Variants in RELN observed in about 807,000 individuals in gnomAD.
RELN encodes reelin.
In RELN, 108 loss-of-function variants were observed where a neutral mutation model predicts 427.6. The ratio of observed to expected loss-of-function variants is 0.25; its 90% CI spans 0.22 to 0.30. The LOEUF (loss-of-function observed/expected upper bound fraction) is 0.30, where lower values mean the gene tolerates loss of function less well. RELN is among the 10% of genes least tolerant of loss of function. The probability of loss-of-function intolerance (pLI) is 1.00; values close to 1 mark genes in which losing one functional copy is unlikely to be tolerated. For missense variants in RELN, 3,715 were observed against 4,302.8 expected, an observed-to-expected ratio of 0.86 and a Z score of 3.82; for synonymous variants, 1,524 against 1,513.4, an observed-to-expected ratio of 1.01 and a Z score of -0.16.
At chr7:103,883,601 C>G (rs1794655908) in intron 2 of RELN, among the ~76,000 whole-genome samples, 1 of 152,212 alleles carries the variant, frequency 6.6e-6, no homozygotes, top group Non-Finnish European at 1.5e-5. Context: ...CATACAAAAT[C>G]AATGTGCAAA....
At chr7:103,628,936 T>C (rs1051617195) in intron 20 of RELN, among the ~76,000 whole-genome samples, 1 of 152,104 alleles carries the variant, frequency 6.6e-6, no homozygotes, top group Non-Finnish European at 1.5e-5. Flanking sequence ...CATCTCTTGG[T>C]TTCCTTGACA....
Position 103,740,878 on chromosome 7 carries a change from C to G in RELN, c.656+8548G>C, listed in dbSNP as rs193144033. On this transcript the variant is annotated intron_variant, in intron 6 of 64. Transcript: ENST00000428762. ...TAGAATCCCAGGGGGAAAATATGCT[C>G]TTATAAGTAGCACATTTTTTCTTTT... Among the ~76,000 whole-genome samples, 540 of 151,450 alleles carry G rather than the reference C, an allele frequency of 3.6e-3. 1 individual carries two copies. The highest frequency in any genetic ancestry group is 5.2e-3 in the Non-Finnish European group (351 of 68,028).
At position 103,640,422 on chromosome 7, in the gene RELN, T is replaced by G; in HGVS notation, c.2069+121A>C. On this transcript the variant is annotated intron_variant, in intron 17 of 64. Coordinates refer to ENST00000428762, the MANE Select transcript of RELN (RefSeq NM_005045.4). This position sits in a 1 kb window ranked among gnomAD's most constrained non-coding sequence, Gnocchi z 4.1. ...TTACACTTAAGTTCTAATAGAAATA[T>G]CCAACTTTTTGTCTTAAAAAGATCC... 1.1e-6 allele frequency: 1 copy of G among 921,072 alleles called. No individual in the cohort carries two copies. The highest frequency in any genetic ancestry group is 1.7e-6 in the Non-Finnish European group (1 of 574,008). 57.1% of individuals were successfully genotyped at this position (921,072 alleles called of 1,614,324 possible). A position where few individuals can be genotyped will look rare whatever the true frequency, so the allele number is the denominator to read the frequency against.
intron 20 of RELN, among the ~76,000 whole-genome samples, chr7:103,621,309 T>C (rs752604294): frequency 5.9e-5 from 9 of 152,266 alleles, no homozygotes; most frequent in Non-Finnish European, 1.0e-4. Context: ...TGAAATTTTA[T>C]GAATATTAAA....
intron 1 of RELN, among the ~76,000 whole-genome samples, chr7:103,982,786 A>G (rs1435444445): frequency 2.0e-5 from 3 of 152,176 alleles, no homozygotes; most frequent in Admixed American, 2.0e-4. Flanking sequence ...AATCGGTGCT[A>G]TCTATAACAT....
At chr7:103,923,120 T>A (rs1249486194) in intron 1 of RELN, among the ~76,000 whole-genome samples, 1 of 152,214 alleles carries the variant, frequency 6.6e-6, no homozygotes, top group African/African-American at 2.4e-5. Context: ...TTTTGCCTTA[T>A]GAAGAGAAAT....
At chr7:103,741,265 T>C (rs1158390910) in intron 6 of RELN, among the ~76,000 whole-genome samples, 2 of 152,196 alleles carry the variant, frequency 1.3e-5, no homozygotes, top group Non-Finnish European at 2.9e-5. Flanking sequence ...TTTCTGACTT[T>C]AGGAAGTTTA....
chr7:103,715,168 T>C (rs1238332913), intron 8 of RELN, among the ~76,000 whole-genome samples: 2 of 152,118 alleles, frequency 1.3e-5, no homozygotes, highest in Admixed American at 6.5e-5. Context: ...CAATGCTGTA[T>C]GGGGGAACAT....
At chr7:103,686,131 C>CT (rs1833760054) in intron 10 of RELN, among the ~76,000 whole-genome samples, 1 of 152,060 alleles carries the variant, frequency 6.6e-6, no homozygotes, top group African/African-American at 2.4e-5. Context: ...TGACGATATC[C>CT]TTTTTGTTGG....
At position 103,604,240 on chromosome 7, in the gene RELN, A is replaced by G; in HGVS notation, c.3146+106T>C. On this transcript the variant is annotated intron_variant, in intron 23 of 64. Transcript: ENST00000428762. Reference sequence around the variant, plus strand: ...AGGACTTGTTTCTTTTGGCTATGTCATTATTTATCGGTCTATCCATGTCAC... The same window carrying G: ...AGGACTTGTTTCTTTTGGCTATGTCGTTATTTATCGGTCTATCCATGTCAC... 3 of 1,329,726 alleles carry G rather than the reference A, an allele frequency of 2.3e-6. No individual in the cohort carries two copies. In the East Asian group the frequency reaches 6.9e-5, roughly 31 times the overall value. 82.4% of individuals were successfully genotyped at this position (1,329,726 alleles called of 1,614,324 possible).
At chr7:103,537,932 C>T (rs1830091319) in intron 45 of RELN, among the ~76,000 whole-genome samples, 1 of 152,226 alleles carries the variant, frequency 6.6e-6, no homozygotes. Flanking sequence ...AACCATTGGT[C>T]ATCTCTTGCT....
intron 11 of RELN, among the ~76,000 whole-genome samples, chr7:103,667,948 G>C (rs1470666843): frequency 6.6e-6 from 1 of 152,152 alleles, no homozygotes; most frequent in Non-Finnish European, 1.5e-5. Flanking sequence ...ATACATTACA[G>C]GCTGGGAGTG....
In RELN at chr7:103,604,491, C is replaced by G; in HGVS notation, c.3009-8G>C. On this transcript the variant is annotated splice_polypyrimidine_tract_variant and splice_region_variant and intron_variant, in intron 22 of 64. Coordinates refer to ENST00000428762, the MANE Select transcript of RELN (RefSeq NM_005045.4). ...AAACGGGTAGCACTGGACCTAGAAA[C>G]ACGGTATAGTATAACAAAAACGGTT... 1 of 1,613,794 alleles carries G rather than the reference C, an allele frequency of 6.2e-7. No individual in the cohort carries two copies. The highest frequency in any genetic ancestry group is 1.7e-5 in the Admixed American group (1 of 59,998).
intron 35 of RELN, 36 bp downstream of exon 35, chr7:103,561,777 T>C: frequency 6.2e-7 from 1 of 1,613,786 alleles, no homozygotes; most frequent in Non-Finnish European, 8.5e-7. Context: ...TATTTTTGCG[T>C]TACAAAGAAA....
In RELN at chr7:103,970,489, T is replaced by A. The variant is rs532236740; in HGVS notation, c.226+18642A>T. Among the ~76,000 whole-genome samples, 144 of 152,306 alleles carry A rather than the reference T, an allele frequency of 9.5e-4. 1 individual carries two copies. The highest frequency in any genetic ancestry group is 1.7e-3 in the Non-Finnish European group (119 of 68,022). ...CTATTTCTTTTTCTTTTTCTTTTTT[T>A]TTCTTTTTGCACTTCACCTTGGTGA... On this transcript the variant is annotated intron_variant, in intron 1 of 64. Coordinates refer to ENST00000428762, the MANE Select transcript of RELN (RefSeq NM_005045.4).
intron 2 of RELN, among the ~76,000 whole-genome samples, chr7:103,911,589 G>T (rs971195354): frequency 6.6e-6 from 1 of 150,956 alleles, no homozygotes; most frequent in African/African-American, 2.4e-5. Flanking sequence ...CAATAGCAAA[G>T]ACTTGGAACC....
chr7:103,734,446 A>G (rs115649863), intron 6 of RELN, among the ~76,000 whole-genome samples: 338 of 152,336 alleles, frequency 2.2e-3, no homozygotes, highest in African/African-American at 7.7e-3. Flanking sequence ...TTGGCGTATC[A>G]TATGGATTGT....
intron 22 of RELN, 133 bp from the exon 23 acceptor site, chr7:103,604,616 T>G (rs1831770279): frequency 1.2e-6 from 1 of 848,794 alleles, no homozygotes. Flanking sequence ...TCATTTTTCT[T>G]TAATTTCCAC....
At chr7:103,846,799 G>C (rs574420212) in intron 2 of RELN, among the ~76,000 whole-genome samples, 5 of 151,202 alleles carry the variant, frequency 3.3e-5, no homozygotes, top group Non-Finnish European at 7.4e-5. Context: ...AAATTCATGT[G>C]GTCAACAAAT....
Sources: allele counts gnomAD v4.1 joint callset (sites outside exome capture counted in the v4.1 genomes callset), GRCh38; gene constraint gnomAD v4.1.1; non-coding constraint Gnocchi (gnomAD v3.1); transcripts MANE v1.5; gene names NCBI Gene and HGNC (gene_info 2026-07-23, HGNC 2026-07-21).